Variants in TMEM114 observed in about 807,000 individuals in gnomAD.
The protein encoded by TMEM114 is claudin-26.
Under a neutral mutation model 6.2 loss-of-function variants are expected in TMEM114, and 6 were observed. That is an observed-to-expected ratio of 0.97 (90% confidence interval 0.53 to 1.91). The LOEUF is 1.91. TMEM114 is among the 40% of genes most tolerant of loss of function. The pLI is 0.01. For synonymous variants in TMEM114, 104 were observed against 73.0 expected, an observed-to-expected ratio of 1.42 and a Z score of -2.16; for missense variants, 218 against 158.3, an observed-to-expected ratio of 1.38 and a Z score of -2.02.
At chr16:8,542,685 A>G (rs148307559) in intron 2 of TMEM114, among the ~76,000 whole-genome samples, 98 of 152,248 alleles carry the variant, frequency 6.4e-4, no homozygotes, top group African/African-American at 1.9e-3. Flanking sequence ...TAGGTGCACT[A>G]TTCAGAAGCA....
intron 2 of TMEM114, among the ~76,000 whole-genome samples, chr16:8,583,500 T>G (rs1382451525): frequency 6.6e-6 from 1 of 152,108 alleles, no homozygotes; most frequent in Non-Finnish European, 1.5e-5. Context: ...ATCCCAGCAC[T>G]TTGGGAGGCC....
chr16:8,529,369 A>G, the TMEM114 span, among the ~76,000 whole-genome samples: 1 of 152,172 alleles, frequency 6.6e-6, no homozygotes, highest in Non-Finnish European at 1.5e-5. Flanking sequence ...TGTGCAGTTA[A>G]CCCATTAGTG....
downstream of TMEM114, among the ~76,000 whole-genome samples, chr16:8,567,979 C>A (rs183625818): frequency 1.3e-5 from 2 of 152,252 alleles, no homozygotes; most frequent in Non-Finnish European, 2.9e-5. Context: ...TAGACAGGGA[C>A]GTCGCAGCAA....
At chr16:8,581,180 C>T (rs181128577) in intron 2 of TMEM114, among the ~76,000 whole-genome samples, 1 of 152,288 alleles carries the variant, frequency 6.6e-6, no homozygotes, top group African/African-American at 2.4e-5. Flanking sequence ...TAATAAATGA[C>T]ATCCTGCTGC....
intron 2 of TMEM114, among the ~76,000 whole-genome samples, chr16:8,539,197 A>G (rs1022435827): frequency 2.0e-5 from 3 of 152,084 alleles, no homozygotes; most frequent in African/African-American, 7.2e-5. Context: ...TGCTGAATAA[A>G]CGTTTGAGGA....
In TMEM114 at chr16:8,541,545, T is replaced by C. The variant is rs988613513; in HGVS notation, n.213-3719A>G. Among the ~76,000 whole-genome samples, 6 of 152,076 alleles carry C rather than the reference T, an allele frequency of 3.9e-5. No homozygotes were observed. In the East Asian group the frequency reaches 1.2e-3, roughly 29 times the overall value. ...CCAGGAGATCATTTTCTTGAACCAA[T>C]GCCTCATTCTGCTACAACATGAAGC... On this transcript the variant is annotated intron_variant and non_coding_transcript_variant, in intron 2 of 2. Coordinates refer to the TMEM114 transcript ENST00000623677.
At chr16:8,536,986 A>G (rs1039343522), downstream of TMEM114, among the ~76,000 whole-genome samples, 3 of 151,718 alleles carry the variant, frequency 2.0e-5, no homozygotes, top group African/African-American at 4.8e-5. Flanking sequence ...TGGGAGGATC[A>G]TTTGAGCCCA....
At chr16:8,527,117 G>A in the TMEM114 span, among the ~76,000 whole-genome samples, 1 of 152,238 alleles carries the variant, frequency 6.6e-6, no homozygotes, top group Admixed American at 6.5e-5. Context: ...TGAGGCAGGA[G>A]AATTGCTTGA....
chr16:8,582,302 A>C (rs1166189380), intron 2 of TMEM114, among the ~76,000 whole-genome samples: 1 of 151,850 alleles, frequency 6.6e-6, no homozygotes, highest in East Asian at 1.9e-4. Flanking sequence ...GAAAAAAAAA[A>C]CAGGAAGTGC....
chr16:8,588,334 A>G (rs1264096893), intron 2 of TMEM114, among the ~76,000 whole-genome samples: 2 of 151,892 alleles, frequency 1.3e-5, no homozygotes, highest in African/African-American at 2.4e-5. Context: ...TATGAAACTC[A>G]GTCTTCATTT....
intron 2 of TMEM114, among the ~76,000 whole-genome samples, chr16:8,572,484 G>A (rs1285373809): frequency 6.6e-6 from 1 of 152,182 alleles, no homozygotes; most frequent in African/African-American, 2.4e-5. Flanking sequence ...CACTCAGGCT[G>A]AAGTACAGTG....
intron 2 of TMEM114, among the ~76,000 whole-genome samples, chr16:8,564,312 A>G (rs150302605): frequency 2.0e-5 from 3 of 149,542 alleles, no homozygotes; most frequent in Non-Finnish European, 2.9e-5. Context: ...TGATGAAATA[A>G]GTGAATGAGT....
chr16:8,567,190 T>A (rs1901575339), downstream of TMEM114, among the ~76,000 whole-genome samples: 1 of 152,064 alleles, frequency 6.6e-6, no homozygotes, highest in African/African-American at 2.4e-5. Flanking sequence ...ATTACAGGCA[T>A]GAGCCATGGC....
chr16:8,561,822 G>A (rs12932362), intron 2 of TMEM114, among the ~76,000 whole-genome samples: 81,165 of 138,368 alleles, frequency 0.59, 21,915 homozygotes, highest in East Asian at 0.76. Flanking sequence ...AGGAGGGAGT[G>A]AATGAGTGAG....
intron 2 of TMEM114, among the ~76,000 whole-genome samples, chr16:8,582,934 G>A (rs1200708138): frequency 1.3e-5 from 2 of 152,018 alleles, no homozygotes; most frequent in Non-Finnish European, 2.9e-5. Context: ...GGAAGGGCAG[G>A]GAAGGGCAGG....
At chr16:8,541,418 TA>T (rs111828329) in intron 2 of TMEM114, among the ~76,000 whole-genome samples, 2 of 150,726 alleles carry the variant, frequency 1.3e-5, no homozygotes, top group African/African-American at 2.4e-5. Context: ...TATCTCAGGA[TA>T]AAAAAAAATG....
the TMEM114 span, among the ~76,000 whole-genome samples, chr16:8,529,883 A>C: frequency 3.8e-3 from 582 of 152,290 alleles, 4 homozygotes; most frequent in African/African-American, 0.012. Context: ...AGCTAGAAGA[A>C]TTTTAGGCTC....
the TMEM114 span, among the ~76,000 whole-genome samples, chr16:8,527,744 G>A: frequency 2.6e-5 from 4 of 152,122 alleles, no homozygotes; most frequent in Admixed American, 6.5e-5. Context: ...GCCACAAGCT[G>A]CAAACAGCTA....
chr16:8,528,562 GC>G, the TMEM114 span, among the ~76,000 whole-genome samples: 2 of 152,150 alleles, frequency 1.3e-5, no homozygotes, highest in Non-Finnish European at 2.9e-5. Flanking sequence ...AGCGCAACAG[GC>G]TTTTGACAGA....
Sources: gnomAD v4.1 joint callset for allele counts (sites outside exome capture counted in the v4.1 genomes callset) on GRCh38, gnomAD v4.1.1 for gene constraint, MANE v1.5 for transcripts, NCBI Gene and HGNC (gene_info 2026-07-23, HGNC 2026-07-21) for gene names.